The following POU2F1 variants were observed in gnomAD, a reference collection of about 807,000 sequenced individuals.
POU2F1 encodes POU domain, class 2, transcription factor 1.
In POU2F1, 16 loss-of-function variants were observed where a neutral mutation model predicts 84.9. That is an observed-to-expected ratio of 0.19 (90% confidence interval 0.13 to 0.29). The LOEUF is 0.29. Among genes scored for constraint, POU2F1 ranks in the 10% least tolerant of loss-of-function variants. POU2F1 has a pLI of 1.00. For missense variants in POU2F1, 738 were observed against 942.6 expected, an observed-to-expected ratio of 0.78 and a Z score of 2.84; for synonymous variants, 368 against 368.3, an observed-to-expected ratio of 1.00 and a Z score of 0.01.
At chr1:167,253,774 C>T (rs1428314568) in intron 1 of POU2F1, among the ~76,000 whole-genome samples, 3 of 152,064 alleles carry the variant, frequency 2.0e-5, no homozygotes, top group Non-Finnish European at 2.9e-5. Context: ...GGTCCTCCTT[C>T]CCCCATACCC....
At chr1:167,237,772 A>ATTT (rs1216931950) in intron 1 of POU2F1, among the ~76,000 whole-genome samples, 56 of 29,930 alleles carry the variant, frequency 1.9e-3, no homozygotes, top group African/African-American at 7.4e-3. Flanking sequence ...ATATATATAT[A>ATTT]TTTTTTTTTT....
Position 167,396,293 on chromosome 1 carries a change from T to C in POU2F1, c.995T>C (p.Val332Ala). The change falls in exon 10 of 16, where the codon GTT (valine) becomes GCT (alanine). Residue 332 changes from valine (V) to alanine (A), a missense_variant. By Grantham distance (64) the Val-to-Ala change is moderately conservative. Transcript: ENST00000367866. The stretch of plus-strand genomic sequence containing the variant: ...GCTCTGTATTGTGTGTAGGGTGATG[T>C]TGGGCTCGCTATGGGGAAACTATAT... The part of the protein sequence containing the change: ...RIKLGFTQGD[V>A]GLAMGKLYGN... The C allele has an allele frequency of 1.2e-6, 2 of 1,614,066 alleles. No homozygotes were observed. The highest frequency in any genetic ancestry group is 1.7e-6 in the Non-Finnish European group (2 of 1,179,944).
chr1:167,266,551 G>T (rs145079225), intron 1 of POU2F1, among the ~76,000 whole-genome samples: 145 of 152,064 alleles, frequency 9.5e-4, no homozygotes, highest in African/African-American at 3.5e-3. Flanking sequence ...ATTGTTGTCT[G>T]GGATCAAGGG....
chr1:167,393,638 A>G (rs1648585766), intron 9 of POU2F1, among the ~76,000 whole-genome samples: 1 of 152,172 alleles, frequency 6.6e-6, no homozygotes, highest in Admixed American at 6.6e-5. Context: ...ATCTGGGACT[A>G]CAGGCACATG....
chr1:167,320,923 G>A (rs1459616379), intron 1 of POU2F1, among the ~76,000 whole-genome samples: 2 of 152,204 alleles, frequency 1.3e-5, no homozygotes, highest in African/African-American at 4.8e-5. Flanking sequence ...AGCAGGTCAT[G>A]TCCAATTAAT....
chr1:167,228,231 G>A (rs944234565), intron 1 of POU2F1, among the ~76,000 whole-genome samples: 1 of 152,182 alleles, frequency 6.6e-6, no homozygotes, highest in Non-Finnish European at 1.5e-5. Context: ...AGCTGTTGGA[G>A]GATTTTGAAA....
At chr1:167,414,859 T>A in intron 15 of POU2F1, 1 of 582,572 alleles carries the variant, frequency 1.7e-6, no homozygotes, top group Non-Finnish European at 2.2e-6. Flanking sequence ...TTTTGCAAGA[T>A]GATTTTCATC....
In POU2F1 at chr1:167,268,100, CT is replaced by C. The variant is rs1294838387; in HGVS notation, c.61+47144del. On this transcript the variant is annotated intron_variant, in intron 1 of 15. Coordinates refer to ENST00000367866, the MANE Select transcript of POU2F1 (RefSeq NM_002697.4). ...GGAAATCACTTAGATATTGGTTCTG[CT>C]TGTAGAATGTTATCTTTCATGTAAT... 2.7e-4 allele frequency among the ~76,000 whole-genome samples: 41 copies of C among 152,136 alleles called. 1 individual carries two copies. In the South Asian group the frequency reaches 6.8e-3, roughly 25 times the overall value.
intron 1 of POU2F1, among the ~76,000 whole-genome samples, chr1:167,326,064 A>T (rs901143690): frequency 6.6e-6 from 1 of 151,974 alleles, no homozygotes; most frequent in Non-Finnish European, 1.5e-5. Flanking sequence ...ACTATTTCCT[A>T]TTATTACTAC....
chr1:167,358,190 G>A (rs1476114340), intron 2 of POU2F1, among the ~76,000 whole-genome samples: 3 of 143,910 alleles, frequency 2.1e-5, no homozygotes, highest in Admixed American at 1.5e-4. Flanking sequence ...GTGCAGTGGC[G>A]CGATCTCGGC....
chr1:167,357,280 ATTTAT>A (rs138746667), intron 2 of POU2F1, among the ~76,000 whole-genome samples: 12,416 of 149,142 alleles, frequency 0.083, 1,706 homozygotes, highest in African/African-American at 0.29. Context: ...TATGATGTTT[ATTTAT>A]TTTAATGCTT....
intron 15 of POU2F1, among the ~76,000 whole-genome samples, chr1:167,414,871 T>G (rs1236427642): frequency 1.3e-5 from 2 of 152,264 alleles, no homozygotes; most frequent in Non-Finnish European, 2.9e-5. Context: ...ATTTTCATCT[T>G]GTATATCATA....
At chr1:167,362,652 G>A (rs1659419010) in intron 2 of POU2F1, among the ~76,000 whole-genome samples, 1 of 152,172 alleles carries the variant, frequency 6.6e-6, no homozygotes, top group South Asian at 2.1e-4. Context: ...GCTGGAATTA[G>A]AGGGGAAAGC....
chr1:167,286,175 T>A (rs1221567168), intron 1 of POU2F1, among the ~76,000 whole-genome samples: 1 of 152,222 alleles, frequency 6.6e-6, no homozygotes, highest in African/African-American at 2.4e-5. Flanking sequence ...CTTTTTAATA[T>A]ATATGCCAAG....
intron 2 of POU2F1, among the ~76,000 whole-genome samples, chr1:167,350,719 C>T (rs1447912481): frequency 6.6e-6 from 1 of 150,414 alleles, no homozygotes; most frequent in Non-Finnish European, 1.5e-5. Context: ...CTGTGTTAGG[C>T]TGGGCACGGT....
At chr1:167,313,399 A>G (rs1324860775) in intron 1 of POU2F1, among the ~76,000 whole-genome samples, 1 of 152,230 alleles carries the variant, frequency 6.6e-6, no homozygotes, top group Non-Finnish European at 1.5e-5. Flanking sequence ...TAAAATAAGA[A>G]GAGTCAGTTA....
chr1:167,249,128 TC>T (rs1195404534), intron 1 of POU2F1, among the ~76,000 whole-genome samples: 1 of 152,180 alleles, frequency 6.6e-6, no homozygotes, highest in Non-Finnish European at 1.5e-5. Flanking sequence ...AAGCAGTGGA[TC>T]CTATCCATTT....
chr1:167,325,725 C>G (rs1451924404), intron 1 of POU2F1, among the ~76,000 whole-genome samples: 1 of 152,016 alleles, frequency 6.6e-6, no homozygotes, highest in African/African-American at 2.4e-5. Flanking sequence ...CCCGTCTCTA[C>G]TAAAAATACA....
Position 167,416,087 on chromosome 1 carries a change from T to TAAAAAAAAAAAAAAAAAAAAACAAAAAAA in POU2F1, c.*296_*297insAACAAAAAAAAAAAAAAAAAAAAAAAAAA. On this transcript the variant is annotated 3_prime_UTR_variant, in exon 16 of 16. Coordinates refer to ENST00000367866, the MANE Select transcript of POU2F1 (RefSeq NM_002697.4). Reference sequence around the variant, plus strand: ...ATTGGAGAACTTTCTAACCAAAAATTAAAAAAAAAAAAAAAAAAAGAAACA... The same window carrying TAAAAAAAAAAAAAAAAAAAAACAAAAAAA: ...ATTGGAGAACTTTCTAACCAAAAATTAAAAAAAAAAAAAAAAAAAAACAAAAAAAAAAAAAAAAAAAAAAAAAAGAAACA... 5.7e-6 allele frequency: 2 copies of TAAAAAAAAAAAAAAAAAAAAACAAAAAAA among 351,044 alleles called. No individual in the cohort carries two copies. The highest frequency in any genetic ancestry group is 3.1e-5 in the African/African-American group (1 of 32,654). The allele number at this position is 351,044 out of a possible 1,614,324, so 21.7% of individuals were successfully genotyped here. A position where few individuals can be genotyped will look rare whatever the true frequency, so the allele number is the denominator to read the frequency against.
Sources: gnomAD v4.1 joint callset for allele counts (sites outside exome capture counted in the v4.1 genomes callset) on GRCh38, gnomAD v4.1.1 for gene constraint, MANE v1.5 for transcripts, NCBI Gene and HGNC (gene_info 2026-07-23, HGNC 2026-07-21) for gene names.